The following ASIC2 variants were observed in gnomAD, a reference collection of about 807,000 sequenced individuals.
The protein encoded by ASIC2 is acid sensing ion channel subunit 2.
ASIC2 carries 25 observed loss-of-function variants against 57.3 expected under a neutral mutation model. That is an observed-to-expected ratio of 0.44 (90% CI 0.32 to 0.61). ASIC2 has a LOEUF of 0.61. Ranked by LOEUF, ASIC2 falls within the 20% of genes least tolerant of loss-of-function variation. The pLI, the probability that ASIC2 is intolerant of heterozygous loss-of-function variation, is 0.06. For missense variants in ASIC2, 641 were observed against 738.1 expected (o/e 0.87, Z 1.52); for synonymous variants, 319 against 307.5 (o/e 1.04, Z -0.39).
At chr17:33,665,366 C>A (rs1402638356) in intron 1 of ASIC2, among the ~76,000 whole-genome samples, 1 of 152,068 alleles carries the variant, frequency 6.6e-6, no homozygotes, top group Admixed American at 6.5e-5. Context: ...TGATGTAAAG[C>A]CACAGAGACC....
intron 1 of ASIC2, among the ~76,000 whole-genome samples, chr17:33,735,581 G>T (rs534455959): frequency 6.6e-6 from 1 of 152,266 alleles, no homozygotes; most frequent in East Asian, 1.9e-4. Flanking sequence ...AAGTGTCATA[G>T]TTTTGGTCTT....
intron 7 of ASIC2, among the ~76,000 whole-genome samples, chr17:33,019,734 T>G (rs1206110886): frequency 1.3e-5 from 2 of 151,894 alleles, no homozygotes; most frequent in Non-Finnish European, 2.9e-5. Context: ...CTGAACAAAC[T>G]CATCCTCATA....
At chr17:33,347,734 T>G (rs747828032) in intron 1 of ASIC2, among the ~76,000 whole-genome samples, 6 of 152,188 alleles carry the variant, frequency 3.9e-5, no homozygotes, top group Non-Finnish European at 8.8e-5. Flanking sequence ...TCAACATTTT[T>G]CAAAGGTGAT....
Position 33,291,970 on chromosome 17 carries a change from T to C in ASIC2, c.146A>G (p.Gln49Arg). ...CCCCCTGCGGGCGACCCCTGGCCCC[T>C]GCAGCGCCCGCTCGCCGCCTCTGCC... ...GGGRGGERAL[Q>R]GPGVARRGRP... The change falls in exon 1 of 10, where the codon CAG becomes CGG. Residue 49 changes from glutamine (Q) to arginine (R), a missense_variant. Coordinates refer to ENST00000225823, the MANE Select transcript of ASIC2 (RefSeq NM_183377.2). 2.3e-6 allele frequency: 3 copies of C among 1,328,840 alleles called. No individual in the cohort carries two copies. Among genetic ancestry groups the C allele is most frequent in the Non-Finnish European group, 2.9e-6 (3 of 1,050,986 alleles). The allele number at this position is 1,328,840 out of a possible 1,614,324, so 82.3% of individuals were successfully genotyped here.
chr17:33,627,256 C>T lies in ASIC2; in HGVS notation c.556-515189G>A, dbSNP rs539581644. 4.6e-5 allele frequency: 7 copies of T among 152,342 alleles called. No individual in the cohort carries two copies. In the East Asian group the frequency reaches 1.2e-3, roughly 25 times the overall value. 9.4% of individuals were successfully genotyped at this position (152,342 alleles called of 1,614,324 possible). On this transcript the variant is annotated intron_variant, in intron 1 of 9. Transcript: ENST00000359872. ...ACAGGCATGTCTTCCCTGGAGCAACCATTTCACTGGGTACAAATCTCTATC... is the reference window on the plus strand; with the variant it reads ...ACAGGCATGTCTTCCCTGGAGCAACTATTTCACTGGGTACAAATCTCTATC...
chr17:33,735,684 T>C (rs1236815484), intron 1 of ASIC2, among the ~76,000 whole-genome samples: 1 of 152,038 alleles, frequency 6.6e-6, no homozygotes, highest in Non-Finnish European at 1.5e-5. Flanking sequence ...CCAAATCCCT[T>C]TCACAAAGTC....
chr17:33,971,736 C>A (rs1042456630), intron 1 of ASIC2, among the ~76,000 whole-genome samples: 1 of 152,072 alleles, frequency 6.6e-6, no homozygotes, highest in Non-Finnish European at 1.5e-5. Flanking sequence ...GATTAAGAGG[C>A]TTTGATAAGA....
At chr17:33,563,008 G>C (rs1415444907) in intron 1 of ASIC2, among the ~76,000 whole-genome samples, 1 of 152,192 alleles carries the variant, frequency 6.6e-6, no homozygotes, top group East Asian at 1.9e-4. Context: ...GCTTAGGCTA[G>C]TGGGCTCTAG....
intron 1 of ASIC2, among the ~76,000 whole-genome samples, chr17:33,138,565 T>G (rs1050933087): frequency 9.2e-5 from 14 of 152,304 alleles, no homozygotes; most frequent in African/African-American, 3.4e-4. Context: ...GTGGATTTTT[T>G]GATGAGGAAA....
chr17:33,749,432 G>A (rs1011899702), intron 1 of ASIC2, among the ~76,000 whole-genome samples: 1 of 151,970 alleles, frequency 6.6e-6, no homozygotes, highest in Non-Finnish European at 1.5e-5. Context: ...TGGGAGGGGC[G>A]CTTTCACCAG....
chr17:33,761,093 C>T (rs1016107033), intron 1 of ASIC2, among the ~76,000 whole-genome samples: 1 of 152,098 alleles, frequency 6.6e-6, no homozygotes, highest in Non-Finnish European at 1.5e-5. Flanking sequence ...TGTTCTAAAT[C>T]CAAAGGCAGC....
intron 1 of ASIC2, among the ~76,000 whole-genome samples, chr17:33,748,181 C>T (rs1373561962): frequency 6.6e-6 from 1 of 152,236 alleles, no homozygotes; most frequent in Non-Finnish European, 1.5e-5. Flanking sequence ...ATCTCTTGCC[C>T]TCCTAGCCAC....
intron 1 of ASIC2, among the ~76,000 whole-genome samples, chr17:34,109,012 T>C (rs1911168553): frequency 1.3e-5 from 2 of 148,752 alleles, no homozygotes. Context: ...TTTGTCTATT[T>C]TCTTTTTTTA....
At chr17:33,016,086 A>C (rs371904950) in intron 8 of ASIC2, 47 bp from the exon 9 acceptor site, 6 of 1,595,390 alleles carry the variant, frequency 3.8e-6, no homozygotes, top group South Asian at 2.2e-5. Context: ...AAGAGGGTGC[A>C]GAGGCAGAAG....
At chr17:33,818,689 C>T (rs1042463716) in intron 1 of ASIC2, among the ~76,000 whole-genome samples, 10 of 152,198 alleles carry the variant, frequency 6.6e-5, no homozygotes, top group Non-Finnish European at 1.0e-4. Context: ...AAGAATTATC[C>T]AGCCTAAAAT....
intron 1 of ASIC2, among the ~76,000 whole-genome samples, chr17:33,835,086 A>G (rs1392345716): frequency 6.6e-6 from 1 of 152,200 alleles, no homozygotes; most frequent in Admixed American, 6.5e-5. Context: ...TGGAACTTTC[A>G]CATTGTGAGA....
intron 1 of ASIC2, among the ~76,000 whole-genome samples, chr17:33,320,133 C>T (rs1906812946): frequency 6.6e-6 from 1 of 152,162 alleles, no homozygotes; most frequent in South Asian, 2.1e-4. Flanking sequence ...ACACCCATAC[C>T]AGCCCTGCGT....
chr17:33,850,157 G>A (rs922278363), intron 1 of ASIC2, among the ~76,000 whole-genome samples: 3 of 152,150 alleles, frequency 2.0e-5, no homozygotes, highest in African/African-American at 7.2e-5. Context: ...ATGGCCCACT[G>A]AGGTTTGGGG....
intron 1 of ASIC2, among the ~76,000 whole-genome samples, chr17:33,383,653 G>T (rs1367321452): frequency 6.6e-6 from 1 of 152,174 alleles, no homozygotes; most frequent in Non-Finnish European, 1.5e-5. Context: ...CCCCACCAGG[G>T]CCCCACCCTG....
Sources: allele counts gnomAD v4.1 joint callset (sites outside exome capture counted in the v4.1 genomes callset), GRCh38; gene constraint gnomAD v4.1.1; transcripts MANE v1.5; gene names NCBI Gene and HGNC (gene_info 2026-07-23, HGNC 2026-07-21).